CNNM1: variants seen among roughly 807,000 people sequenced by gnomAD.
CNNM1 encodes metal transporter CNNM1.
A neutral mutation model predicts 78.8 loss-of-function variants in CNNM1; 44 were observed. The observed-to-expected ratio is 0.56, with a 90% CI of 0.44 to 0.72. The LOEUF (loss-of-function observed/expected upper bound fraction) is 0.72, where lower values mean the gene tolerates loss of function less well. CNNM1 is among the 30% of genes least tolerant of loss of function. The pLI, the probability that CNNM1 is intolerant of heterozygous loss-of-function variation, is 0.00. For missense variants in CNNM1, 1,101 were observed against 1,292.2 expected (o/e 0.85, Z 2.27); for synonymous variants, 584 against 581.5 (o/e 1.00, Z -0.06).
intron 1 of CNNM1, among the ~76,000 whole-genome samples, chr10:99,356,965 C>G (rs73328328): frequency 6.6e-6 from 1 of 152,090 alleles, no homozygotes; most frequent in African/African-American, 2.4e-5. Context: ...AGTCACAAGC[C>G]CCCCCAGATT....
At chr10:99,379,648 T>C (rs2134073317) in intron 7 of CNNM1, among the ~76,000 whole-genome samples, 1 of 151,348 alleles carries the variant, frequency 6.6e-6, no homozygotes, top group African/African-American at 2.4e-5. Context: ...GGATTTTTTT[T>C]TTTTTTTTTT....
intron 6 of CNNM1, 176 bp downstream of exon 6, chr10:99,365,178 G>A (rs1330840031): frequency 1.4e-6 from 1 of 704,142 alleles, no homozygotes; most frequent in South Asian, 1.5e-5. Context: ...CAGACCATGG[G>A]AGCTTAGGTT....
Position 99,329,810 on chromosome 10 carries a change from G to C in CNNM1, c.423G>C (p.Ser141=), listed in dbSNP as rs780442130. Reference sequence around the variant, plus strand: ...GCAGGGAGCAGAGCGACTGGGCATCGGACGTGGAAGTCCTGGGGCCCTTGC... The same window carrying C: ...GCAGGGAGCAGAGCGACTGGGCATCCGACGTGGAAGTCCTGGGGCCCTTGC... ...QRCREQSDWA[S]DVEVLGPLRP... is the part of the protein sequence containing the mutation. Residue 141 remains serine, a synonymous_variant, in exon 1 of 11, where the codon TCG becomes TCC. Coordinates refer to ENST00000356713, the MANE Select transcript of CNNM1 (RefSeq NM_020348.3). 7 of 1,461,822 alleles carry C rather than the reference G, an allele frequency of 4.8e-6. No homozygotes were observed. In the Admixed American group the frequency reaches 1.2e-4, roughly 26 times the overall value. 90.6% of individuals were successfully genotyped at this position (1,461,822 alleles called of 1,614,324 possible).
chr10:99,356,564 G>GAAAGAAAGAAAAGA (rs1426746572), intron 1 of CNNM1, among the ~76,000 whole-genome samples: 27 of 98,252 alleles, frequency 2.7e-4, no homozygotes, highest in Admixed American at 1.8e-3. Context: ...CAGACAGACA[G>GAAAGAAAGAAAAGA]AAAGAAAGAA....
chr10:99,338,144 AC>A (rs992142042), intron 1 of CNNM1, among the ~76,000 whole-genome samples: 53 of 152,314 alleles, frequency 3.5e-4, no homozygotes, highest in African/African-American at 1.1e-3. Context: ...ACTTCCAGTG[AC>A]CTTGAATTTA....
rs141109637 is a variant in CNNM1 at position 99,387,939 on chromosome 10, C to T, written c.2460C>T (p.Gly820=). The stretch of plus-strand genomic sequence containing the variant: ...CCACTAAGGCCCCCACAACCCGGGG[C>T]ACACCCCAGACCCCTAAGGATGACC... ...GDSTKAPTTR[G]TPQTPKDDPA... The change falls in exon 8 of 11, where the codon GGC becomes GGT. Residue 820 remains glycine (G), a synonymous_variant. Transcript: ENST00000356713. The T allele has an allele frequency of 3.3e-5, 53 of 1,612,520 alleles. No homozygotes were observed. Among genetic ancestry groups the T allele is most frequent in the Middle Eastern group, 1.6e-4 (1 of 6,074 alleles).
intron 1 of CNNM1, among the ~76,000 whole-genome samples, chr10:99,356,596 G>GAAAGAAAGA (rs1188166552): frequency 7.8e-6 from 1 of 127,704 alleles, no homozygotes; most frequent in Non-Finnish European, 1.6e-5. Flanking sequence ...AAGAAAGAAA[G>GAAAGAAAGA]AAAGAAAGAA....
intron 10 of CNNM1, among the ~76,000 whole-genome samples, chr10:99,391,044 AC>A (rs1374053566): frequency 2.0e-5 from 3 of 152,196 alleles, no homozygotes; most frequent in African/African-American, 7.2e-5. Context: ...ACAGCCACCA[AC>A]CCTGATTCAT....
intron 1 of CNNM1, among the ~76,000 whole-genome samples, chr10:99,355,880 G>A (rs1379158643): frequency 2.6e-5 from 4 of 152,108 alleles, no homozygotes; most frequent in East Asian, 1.9e-4. Flanking sequence ...CAGTCATCGC[G>A]CAATAAAAAT....
intron 5 of CNNM1, 146 bp downstream of exon 5, chr10:99,364,662 C>A: frequency 3.0e-6 from 2 of 677,894 alleles, no homozygotes; most frequent in Non-Finnish European, 4.9e-6. Context: ...CCTTCCTCTG[C>A]AAAATGGGTG....
At chr10:99,360,737 T>G in intron 2 of CNNM1, 98 bp from the exon 3 acceptor site, 1 of 1,459,112 alleles carries the variant, frequency 6.9e-7, no homozygotes, top group Non-Finnish European at 9.2e-7. Flanking sequence ...TAGTTGACAC[T>G]GCAGAAATGT....
intron 1 of CNNM1, among the ~76,000 whole-genome samples, chr10:99,333,405 C>T (rs11190058): frequency 0.47 from 71,481 of 152,052 alleles, 19,907 homozygotes; most frequent in Non-Finnish European, 0.62. Context: ...AATGCAGTGG[C>T]GCCATCTTGG....
At chr10:99,376,610 A>G (rs997722887) in intron 6 of CNNM1, among the ~76,000 whole-genome samples, 4 of 152,146 alleles carry the variant, frequency 2.6e-5, no homozygotes, top group African/African-American at 7.2e-5. Context: ...ATACCTCACC[A>G]TGGTAGAGGG....
At chr10:99,381,827 T>A (rs1489987994) in intron 7 of CNNM1, among the ~76,000 whole-genome samples, 3 of 151,822 alleles carry the variant, frequency 2.0e-5, no homozygotes, top group African/African-American at 7.2e-5. Context: ...TTCAAGCTCT[T>A]TTTTTTAACA....
rs1211005143 is a variant in CNNM1 at position 99,393,533 on chromosome 10, A to G, written c.*2017A>G. 1 of 152,676 alleles carries G rather than the reference A, an allele frequency of 6.5e-6. No individual in the cohort carries two copies. The highest frequency in any genetic ancestry group is 1.5e-5 in the Non-Finnish European group (1 of 68,058). 9.5% of individuals were successfully genotyped at this position (152,676 alleles called of 1,614,324 possible). A position where few individuals can be genotyped will look rare whatever the true frequency, so the allele number is the denominator to read the frequency against. ...AACAAACAGACAAACAAAAAAAAAC[A>G]CTACTATTTTAAATAGTGGAACTTT... On this transcript the variant is annotated 3_prime_UTR_variant, in exon 11 of 11. Transcript: ENST00000356713.
intron 4 of CNNM1, among the ~76,000 whole-genome samples, chr10:99,363,740 CTT>C (rs869281521): frequency 2.1e-4 from 25 of 121,886 alleles, no homozygotes; most frequent in South Asian, 2.9e-4. Flanking sequence ...TAGATTTTAT[CTT>C]TTTTTTTTTT....
intron 7 of CNNM1, among the ~76,000 whole-genome samples, chr10:99,387,216 G>A (rs1229791475): frequency 6.6e-6 from 1 of 152,178 alleles, no homozygotes; most frequent in East Asian, 1.9e-4. Context: ...GATGCCTTCA[G>A]TTGTGGGTGT....
chr10:99,356,562 C>CAGAAAGAAAGAAAGAA (rs71009746), intron 1 of CNNM1, among the ~76,000 whole-genome samples: 31 of 98,528 alleles, frequency 3.1e-4, no homozygotes, highest in South Asian at 7.3e-4. Flanking sequence ...GACAGACAGA[C>CAGAAAGAAAGAAAGAA]AGAAAGAAAG....
chr10:99,373,861 G>C (rs1354361941), intron 6 of CNNM1, among the ~76,000 whole-genome samples: 1 of 152,124 alleles, frequency 6.6e-6, no homozygotes, highest in East Asian at 1.9e-4. Context: ...CATCCATGTT[G>C]CTGCAAAAGA....
Sources: allele counts gnomAD v4.1 joint callset (sites outside exome capture counted in the v4.1 genomes callset), GRCh38; gene constraint gnomAD v4.1.1; transcripts MANE v1.5; gene names NCBI Gene and HGNC (gene_info 2026-07-23, HGNC 2026-07-21).